The following MYH6 variants were observed in gnomAD, a reference collection of about 807,000 sequenced individuals.
MYH6 encodes the protein myosin heavy chain 6.
A neutral mutation model predicts 223.2 loss-of-function variants in MYH6; 126 were observed. That is an observed-to-expected ratio of 0.56 (90% CI 0.49 to 0.65). The LOEUF is 0.65. MYH6 is among the 30% of genes least tolerant of loss of function. MYH6 has a pLI of 0.00. For missense variants in MYH6, 2,040 were observed against 2,536.4 expected, an observed-to-expected ratio of 0.80 and a Z score of 4.20; for synonymous variants, 978 against 1,010.2, an observed-to-expected ratio of 0.97 and a Z score of 0.61.
rs1891067176 is a variant in MYH6, at chr14:23,387,529, C to T, written c.4650G>A (p.Glu1550=). 1.2e-6 allele frequency: 2 copies of T among 1,613,558 alleles called. No homozygotes were observed. Among genetic ancestry groups the T allele is most frequent in the Non-Finnish European group, 1.7e-6 (2 of 1,180,018 alleles). ...GGTGCAGGGAGTTCTCGGCCCTCACCTCTGCCTCCTCCAGGGCTGACTGCA... is the reference window on the plus strand; with the variant it reads ...GGTGCAGGGAGTTCTCGGCCCTCACTTCTGCCTCCTCCAGGGCTGACTGCA... ...LELQSALEEA[E]ASLEHEEGKI... is the part of the protein sequence containing the mutation. The change falls in exon 32 of 39, where the codon GAG becomes GAA. Residue 1550 remains glutamate (E), a splice_region_variant and synonymous_variant. Coordinates refer to ENST00000405093, the MANE Select transcript of MYH6 (RefSeq NM_002471.4).
At chr14:23,389,140 C>A in intron 28 of MYH6, 85 bp from the exon 29 acceptor site, 2 of 1,446,916 alleles carry the variant, frequency 1.4e-6, no homozygotes, top group Non-Finnish European at 1.8e-6. Flanking sequence ...GTACTTCAAC[C>A]AAGCCCAGCC....
intron 28 of MYH6, 94 bp downstream of exon 28, chr14:23,389,299 G>T: frequency 7.1e-7 from 1 of 1,415,306 alleles, no homozygotes; most frequent in Non-Finnish European, 1.0e-6. Flanking sequence ...CCCTTGCAGA[G>T]GACTCTTTCC....
At position 23,393,666 on chromosome 14, in the gene MYH6, C is replaced by T. The variant is rs757078942; in HGVS notation, c.2928G>A (p.Lys976=). The change falls in exon 22 of 39, where the codon AAG becomes AAA. Residue 976 remains lysine (K), a splice_region_variant and synonymous_variant. Transcript: ENST00000405093. ...VEKEKHATEN[K]VKNLTEEMAG... is the part of the protein sequence containing the mutation. ...TGAAGCCAGAGGGAGCTGCCCTCAC[C>T]TTGTTCTCTGTTGCATGCTTCTCCT... 1.1e-5 allele frequency: 18 copies of T among 1,614,064 alleles called. No homozygotes were observed. Among genetic ancestry groups the T allele is most frequent in the Non-Finnish European group, 1.4e-5 (17 of 1,180,038 alleles).
In MYH6 at chr14:23,400,720, C is replaced by T. The variant is rs778808038; in HGVS notation, c.1399G>A (p.Glu467Lys). ...GGGTCCCAACTCACGTCGAAGATCT[C>T]GAAGCCAGCGATGTCCAGGACTCCT... is the stretch of plus-strand genomic sequence containing the variant. ...FIGVLDIAGF[E>K]IFDFNSFEQL... The change falls in exon 13 of 39, where the codon GAG becomes AAG. Residue 467 changes from glutamate to lysine, a missense_variant. This residue lies in a region of MYH6 where 649 missense variants were observed against 877.3 expected (regional missense o/e 0.74). Transcript: ENST00000405093. The T allele has an allele frequency of 5.6e-6, 9 of 1,614,240 alleles. No individual in the cohort carries two copies. Among genetic ancestry groups the T allele is most frequent in the East Asian group, 2.2e-5 (1 of 44,886 alleles).
chr14:23,382,708 C>T, intron 37 of MYH6, 146 bp from the exon 38 acceptor site: 1 of 1,206,848 alleles, frequency 8.3e-7, no homozygotes. Flanking sequence ...GGGTATCCTG[C>T]AACTGCCTTG....
chr14:23,389,072 G>GGC lies in MYH6; in HGVS notation c.3979-18_3979-17insGC. The GGC allele has an allele frequency of 2.0e-5, 23 of 1,134,964 alleles. No homozygotes were observed. Among genetic ancestry groups the GGC allele is most frequent in the Non-Finnish European group, 2.6e-5 (20 of 773,960 alleles). 70.3% of individuals were successfully genotyped at this position (1,134,964 alleles called of 1,614,324 possible). A position where few individuals can be genotyped will look rare whatever the true frequency, so the allele number is the denominator to read the frequency against. Reference sequence around the variant, plus strand: ...GTTCTTCGCCTGGGGAGGGGGGGGGGCACCAGGAGGTGGGAGGGACTCCCT... The same window carrying GGC: ...GTTCTTCGCCTGGGGAGGGGGGGGGGGCCACCAGGAGGTGGGAGGGACTCCCT... On this transcript the variant is annotated splice_polypyrimidine_tract_variant and intron_variant, in intron 28 of 38. Transcript: ENST00000405093.
At position 23,393,655 on chromosome 14, in the gene MYH6, G is replaced by C; in HGVS notation, c.2928+11C>G. 6.2e-7 allele frequency: 1 copy of C among 1,614,230 alleles called. No homozygotes were observed. The highest frequency in any genetic ancestry group is 2.2e-5 in the East Asian group (1 of 44,878). On this transcript the variant is annotated intron_variant, in intron 22 of 38. Coordinates refer to ENST00000405093, the MANE Select transcript of MYH6 (RefSeq NM_002471.4). ...GAGACCTGGGCTGAAGCCAGAGGGA[G>C]CTGCCCTCACCTTGTTCTCTGTTGC...
rs777046310 is a variant in MYH6 at position 23,389,063 on chromosome 14, G to GT, written c.3979-9_3979-8insA. The GT allele has an allele frequency of 4.0e-6, 2 of 496,160 alleles. No homozygotes were observed. Among genetic ancestry groups the GT allele is most frequent in the South Asian group, 3.7e-5 (1 of 26,818 alleles). 30.7% of individuals were successfully genotyped at this position (496,160 alleles called of 1,614,324 possible). On this transcript the variant is annotated splice_polypyrimidine_tract_variant and intron_variant, in intron 28 of 38. Coordinates refer to ENST00000405093, the MANE Select transcript of MYH6 (RefSeq NM_002471.4). ...GGCCAGGGCGTTCTTCGCCTGGGGAGGGGGGGGGGCACCAGGAGGTGGGAG... is the reference window on the plus strand; with the variant it reads ...GGCCAGGGCGTTCTTCGCCTGGGGAGTGGGGGGGGGCACCAGGAGGTGGGAG...
At chr14:23,389,166 G>T (rs1891147398) in intron 28 of MYH6, 111 bp from the exon 29 acceptor site, 1 of 1,318,974 alleles carries the variant, frequency 7.6e-7, no homozygotes, top group Non-Finnish European at 1.0e-6. Flanking sequence ...CACCATGTGG[G>T]CTGATGTGGC....
rs369729808 is a variant in MYH6, at chr14:23,396,728, A to G, written c.2258T>C (p.Ile753Thr). 18 of 1,613,900 alleles carry G rather than the reference A, an allele frequency of 1.1e-5. No individual in the cohort carries two copies. In the African/African-American group the frequency reaches 1.6e-4, roughly 14 times the overall value. ...GTEKLLSSLD[I>T]DHNQYKFGHT... is the part of the protein sequence containing the mutation. ...GCCAAACTTGTACTGGTTGTGATCA[A>G]TGTCCAGAGAGCTGAGCAGCTTCTC... The change falls in exon 19 of 39, where the codon ATT becomes ACT. Residue 753 changes from isoleucine to threonine, a missense_variant. Ile to Thr is a moderately conservative substitution (Grantham distance 89). Coordinates refer to ENST00000405093, the MANE Select transcript of MYH6 (RefSeq NM_002471.4).
Position 23,386,451 on chromosome 14 carries a change from CGT to C in MYH6, c.4821_4822del (p.Arg1608GlnfsTer18), listed in dbSNP as rs764543612. ...CACCCTCAGGACCTCGTTGCGGCTG[CGT>C]GTCTCTGCATCCAGGGAGGTCTGCA... On this transcript the variant is annotated frameshift_variant, in exon 33 of 39. Transcript: ENST00000405093. LOFTEE classifies it high-confidence loss of function. 6.8e-6 allele frequency: 11 copies of C among 1,614,064 alleles called. No homozygotes were observed. In the African/African-American group the frequency reaches 1.5e-4, roughly 22 times the overall value.
Position 23,405,836 on chromosome 14 carries a change from C to T in MYH6, c.202-66G>A. ...CCCTCCGGGACCCTTGCCAGCACTGCCCACTGACCTCCTCCCAGGACACAG... is the reference window on the plus strand; with the variant it reads ...CCCTCCGGGACCCTTGCCAGCACTGTCCACTGACCTCCTCCCAGGACACAG... On this transcript the variant is annotated intron_variant, in intron 3 of 38. Coordinates refer to ENST00000405093, the MANE Select transcript of MYH6 (RefSeq NM_002471.4). The surrounding 1 kb of genome is among the most constrained non-coding windows in gnomAD (Gnocchi z 4.7). The T allele has an allele frequency of 6.2e-7, 1 of 1,601,678 alleles. No homozygotes were observed. Among genetic ancestry groups the T allele is most frequent in the Non-Finnish European group, 8.6e-7 (1 of 1,169,032 alleles).
intron 15 of MYH6, 134 bp downstream of exon 15, chr14:23,398,594 G>T (rs946746595): frequency 3.0e-6 from 3 of 985,478 alleles, no homozygotes; most frequent in Admixed American, 3.5e-5. Flanking sequence ...ACTGTGGTGA[G>T]GTGAGCCAGG....
intron 15 of MYH6, 106 bp downstream of exon 15, chr14:23,398,622 G>A (rs1891502148): frequency 2.2e-6 from 3 of 1,362,968 alleles, no homozygotes; most frequent in South Asian, 2.3e-5. Context: ...TTGACTCATG[G>A]GCTCCCCTGT....
rs1366467083 is a variant in MYH6 at position 23,397,931 on chromosome 14, C to CTT, written c.1892-319_1892-318insAA. ...TAGTTCTCCTCCTCCTCCTCCTCCTCCTCTTCTTCTTCTTCTTCTTCTTCT... is the reference window on the plus strand; with the variant it reads ...TAGTTCTCCTCCTCCTCCTCCTCCTCTTCTCTTCTTCTTCTTCTTCTTCTTCT... On this transcript the variant is annotated intron_variant, in intron 15 of 38. Transcript: ENST00000405093. Among the ~76,000 whole-genome samples, 194 of 131,670 alleles carry CTT rather than the reference C, an allele frequency of 1.5e-3. 2 individuals are homozygous for CTT. The highest frequency in any genetic ancestry group is 6.7e-3 in the East Asian group (32 of 4,750). 86.4% of individuals were successfully genotyped at this position (131,670 alleles called of 152,430 possible).
chr14:23,404,922 C>T, intron 6 of MYH6, 100 bp from the exon 7 acceptor site: 1 of 1,476,670 alleles, frequency 6.8e-7, no homozygotes, highest in Non-Finnish European at 9.4e-7. Context: ...CATCAGAGCC[C>T]AGCACCCAGC....
At chr14:23,388,039 C>A in intron 30 of MYH6, 116 bp from the exon 31 acceptor site, 4 of 1,606,644 alleles carry the variant, frequency 2.5e-6, no homozygotes, top group East Asian at 2.2e-5. Flanking sequence ...TCCCTGGTCC[C>A]GAGCCTGGGC....
chr14:23,386,209 C>A, intron 33 of MYH6, 78 bp from the exon 34 acceptor site: 1 of 1,611,444 alleles, frequency 6.2e-7, no homozygotes, highest in Non-Finnish European at 8.5e-7. Flanking sequence ...GAGGTCCCTG[C>A]AGTAACCCAG....
At chr14:23,397,664 C>T (rs767644610) in intron 15 of MYH6, 51 bp from the exon 16 acceptor site, 1 of 1,592,342 alleles carries the variant, frequency 6.3e-7, no homozygotes, top group Non-Finnish European at 8.6e-7. Flanking sequence ...ATAAAGGAGC[C>T]CTTGGGCAGA....
Sources: allele counts gnomAD v4.1 joint callset (sites outside exome capture counted in the v4.1 genomes callset), GRCh38; gene constraint gnomAD v4.1.1; regional missense constraint gnomAD v4.1.1; non-coding constraint Gnocchi (gnomAD v3.1); transcripts MANE v1.5; gene names NCBI Gene and HGNC (gene_info 2026-07-23, HGNC 2026-07-21).